Variants in SYTL3 observed in about 807,000 individuals in gnomAD.
SYTL3 encodes the protein synaptotagmin-like protein 3.
In SYTL3, 88 loss-of-function variants were observed where a neutral mutation model predicts 82.1. The observed-to-expected ratio is 1.07, with a 90% CI of 0.90 to 1.28. SYTL3 has a LOEUF of 1.28. SYTL3 is among the 50% of genes most tolerant of loss of function. SYTL3 has a pLI of 0.00. For synonymous variants in SYTL3, 311 were observed against 289.4 expected (o/e 1.07, Z -0.76); for missense variants, 831 against 757.6 (o/e 1.10, Z -1.14).
At chr6:158,671,545 A>G (rs1431505539) in intron 5 of SYTL3, among the ~76,000 whole-genome samples, 1 of 151,804 alleles carries the variant, frequency 6.6e-6, no homozygotes, top group Admixed American at 6.6e-5. Context: ...CGGGTAGATC[A>G]CTTGAGGTCA....
chr6:158,718,061 C>T, intron 9 of SYTL3, 26 bp from the exon 10 acceptor site: 1 of 1,497,120 alleles, frequency 6.7e-7, no homozygotes, highest in Non-Finnish European at 8.9e-7. Flanking sequence ...TGTTCCCACC[C>T]ATCAACCCTT....
chr6:158,757,390 T>A lies in SYTL3; in HGVS notation c.1308+9T>A. 1 of 1,613,654 alleles carries A rather than the reference T, an allele frequency of 6.2e-7. No individual in the cohort carries two copies. The highest frequency in any genetic ancestry group is 1.1e-5 in the South Asian group (1 of 91,044). Reference sequence around the variant, plus strand: ...ATCCGCTCCGGGCCAAGGTGATGTCTGGTTTTGGACTGAGTGCCCTCCATC... The same window carrying A: ...ATCCGCTCCGGGCCAAGGTGATGTCAGGTTTTGGACTGAGTGCCCTCCATC... On this transcript the variant is annotated intron_variant, in intron 14 of 17. Transcript: ENST00000611299.
intron 5 of SYTL3, among the ~76,000 whole-genome samples, chr6:158,670,833 C>T (rs568255088): frequency 4.6e-5 from 7 of 150,704 alleles, no homozygotes; most frequent in East Asian, 2.0e-4. Flanking sequence ...GACTGAGTCT[C>T]GCTCTGTCGC....
intron 6 of SYTL3, among the ~76,000 whole-genome samples, chr6:158,693,855 C>CTTTTCTTTTCTTTTTTTTTTTTTTT (rs71030191): frequency 2.1e-5 from 2 of 96,868 alleles, no homozygotes; most frequent in African/African-American, 1.1e-4. Context: ...TTTTTCTTTT[C>CTTTTCTTTTCTTTTTTTTTTTTTTT]TTTTTTTTTT....
intron 10 of SYTL3, among the ~76,000 whole-genome samples, 190 bp from the exon 11 acceptor site, chr6:158,725,313 T>C (rs1247353756): frequency 6.6e-6 from 1 of 151,834 alleles, no homozygotes; most frequent in Non-Finnish European, 1.5e-5. Context: ...TGCGCGTGTG[T>C]GGTGTGTGTG....
At chr6:158,673,056 A>G (rs944792677) in intron 5 of SYTL3, among the ~76,000 whole-genome samples, 2 of 151,966 alleles carry the variant, frequency 1.3e-5, no homozygotes, top group Non-Finnish European at 2.9e-5. Context: ...TCAGCCTCCC[A>G]AATAGCTGGG....
chr6:158,688,276 G>T (rs987189218), intron 6 of SYTL3, among the ~76,000 whole-genome samples: 14 of 152,094 alleles, frequency 9.2e-5, no homozygotes, highest in Admixed American at 2.6e-4. Flanking sequence ...TTATTTTTGG[G>T]GGGTAAATTC....
chr6:158,647,171 A>T (rs1416811993), upstream of SYTL3, among the ~76,000 whole-genome samples: 1 of 152,264 alleles, frequency 6.6e-6, no homozygotes, highest in East Asian at 1.9e-4. Flanking sequence ...GGATCTTGTT[A>T]TAACTGCGGA....
intron 13 of SYTL3, among the ~76,000 whole-genome samples, chr6:158,755,784 A>G (rs1788979866): frequency 6.6e-6 from 1 of 152,212 alleles, no homozygotes; most frequent in Non-Finnish European, 1.5e-5. Context: ...CAGCCGTGTC[A>G]CGAGGAGTCA....
At chr6:158,729,969 G>A (rs1486885638) in intron 11 of SYTL3, among the ~76,000 whole-genome samples, 1 of 151,808 alleles carries the variant, frequency 6.6e-6, no homozygotes, top group Admixed American at 6.6e-5. Context: ...CTTGCTTTGT[G>A]CTCATAACTC....
At chr6:158,747,846 A>G (rs927345984) in intron 12 of SYTL3, among the ~76,000 whole-genome samples, 8 of 151,972 alleles carry the variant, frequency 5.3e-5, no homozygotes, top group Non-Finnish European at 5.9e-5. Context: ...TTTTTGTTAA[A>G]CCTAATTTAA....
intron 11 of SYTL3, among the ~76,000 whole-genome samples, chr6:158,727,849 C>G (rs1279882382): frequency 6.6e-6 from 1 of 152,034 alleles, no homozygotes; most frequent in East Asian, 1.9e-4. Context: ...GTCCCCAGCC[C>G]CAACTACTCT....
At chr6:158,703,655 C>T (rs1450891865) in intron 6 of SYTL3, among the ~76,000 whole-genome samples, 1 of 152,060 alleles carries the variant, frequency 6.6e-6, no homozygotes, top group Non-Finnish European at 1.5e-5. Flanking sequence ...GATTGGGGCT[C>T]TGCAGGCTGG....
At chr6:158,670,317 G>A (rs1341479948) in intron 5 of SYTL3, among the ~76,000 whole-genome samples, 1 of 152,132 alleles carries the variant, frequency 6.6e-6, no homozygotes, top group African/African-American at 2.4e-5. Flanking sequence ...TGAGTAAAAG[G>A]TCTAACTCTG....
At chr6:158,761,334 G>A (rs1330090509) in intron 15 of SYTL3, among the ~76,000 whole-genome samples, 22 of 117,320 alleles carry the variant, frequency 1.9e-4, no homozygotes, top group Non-Finnish European at 3.5e-4. Flanking sequence ...ACAGAGTTTT[G>A]CTCTGTCACC....
At chr6:158,651,375 G>A (rs1047823783) in intron 1 of SYTL3, among the ~76,000 whole-genome samples, 1 of 152,092 alleles carries the variant, frequency 6.6e-6, no homozygotes, top group African/African-American at 2.4e-5. Flanking sequence ...GATGGATCAT[G>A]AGGTCAAGAG....
chr6:158,758,779 A>G (rs956116011), intron 14 of SYTL3, among the ~76,000 whole-genome samples: 10 of 151,692 alleles, frequency 6.6e-5, no homozygotes, highest in Admixed American at 5.9e-4. Flanking sequence ...GCCCAAGACG[A>G]CCCAAAACCC....
chr6:158,649,151 GT>G (rs1787718363), upstream of SYTL3, among the ~76,000 whole-genome samples: 1 of 152,188 alleles, frequency 6.6e-6, no homozygotes, highest in South Asian at 2.1e-4. Flanking sequence ...TGCTATAGTA[GT>G]TATTAAATAG....
chr6:158,742,741 C>T (rs1317643281), intron 11 of SYTL3, among the ~76,000 whole-genome samples: 3 of 151,872 alleles, frequency 2.0e-5, no homozygotes, highest in East Asian at 3.9e-4. Flanking sequence ...CTACCATGCC[C>T]GGCTAATTTT....
Sources: gnomAD v4.1 joint callset for allele counts (sites outside exome capture counted in the v4.1 genomes callset) on GRCh38, gnomAD v4.1.1 for gene constraint, MANE v1.5 for transcripts, NCBI Gene and HGNC (gene_info 2026-07-23, HGNC 2026-07-21) for gene names.